The following IRGM variants were observed in gnomAD, a reference collection of about 807,000 sequenced individuals.
IRGM encodes immunity-related GTPase family M protein.
For synonymous variants in IRGM, 98 were observed against 80.6 expected, an observed-to-expected ratio of 1.22 and a Z score of -1.16; for missense variants, 288 against 219.9, an observed-to-expected ratio of 1.31 and a Z score of -1.96.
intron 3 of IRGM, among the ~76,000 whole-genome samples, chr5:150,883,811 G>A (rs1754478734): frequency 6.6e-6 from 1 of 151,924 alleles, no homozygotes; most frequent in South Asian, 2.1e-4. Context: ...TACAAAGTAT[G>A]TAAAGAAATA....
At chr5:150,887,972 T>C (rs1754551463) in intron 3 of IRGM, among the ~76,000 whole-genome samples, 1 of 151,944 alleles carries the variant, frequency 6.6e-6, no homozygotes. Flanking sequence ...GTAAATGGGC[T>C]AAGTGCCTCC....
At chr5:150,869,030 A>C (rs765022913) in intron 1 of IRGM, among the ~76,000 whole-genome samples, 14 of 152,114 alleles carry the variant, frequency 9.2e-5, no homozygotes, top group Non-Finnish European at 1.6e-4. Flanking sequence ...GTTTAATAGA[A>C]GTGGTGATAG....
At chr5:150,879,884 T>G (rs1448740317) in intron 3 of IRGM, among the ~76,000 whole-genome samples, 1 of 152,166 alleles carries the variant, frequency 6.6e-6, no homozygotes, top group Non-Finnish European at 1.5e-5. Context: ...TGAAGCAGTA[T>G]ATTGTAAGAC....
chr5:150,897,905 CAACA>C, intron 3 of IRGM: 2 of 791,216 alleles, frequency 2.5e-6, no homozygotes, highest in Non-Finnish European at 3.9e-6. Context: ...ACAGGATCAA[CAACA>C]AATAGAACTC....
chr5:150,864,122 G>A (rs1264865110), intron 1 of IRGM, among the ~76,000 whole-genome samples: 1 of 152,062 alleles, frequency 6.6e-6, no homozygotes, highest in Admixed American at 6.6e-5. Flanking sequence ...TCTATCCAGG[G>A]TCCCAAGAAA....
chr5:150,877,385 C>A (rs1308344372), intron 1 of IRGM, among the ~76,000 whole-genome samples: 1 of 152,116 alleles, frequency 6.6e-6, no homozygotes, highest in Non-Finnish European at 1.5e-5. Context: ...GTTTAGTCTT[C>A]CGGCCTACAT....
At chr5:150,897,198 A>G in intron 3 of IRGM, 1 of 408,578 alleles carries the variant, frequency 2.4e-6, no homozygotes, top group Non-Finnish European at 4.3e-6. Context: ...AAGAGATGAA[A>G]AAGTGGGGTC....
intron 3 of IRGM, among the ~76,000 whole-genome samples, chr5:150,889,100 T>C (rs1754568312): frequency 6.6e-6 from 1 of 151,804 alleles, no homozygotes; most frequent in Non-Finnish European, 1.5e-5. Context: ...TCCTAAGATC[T>C]TACTAATCTC....
intron 1 of IRGM, among the ~76,000 whole-genome samples, chr5:150,856,911 ATATTTAT>A (rs987022403): frequency 3.8e-4 from 27 of 70,686 alleles, no homozygotes; most frequent in Admixed American, 1.1e-3. Context: ...AAATAAATAA[ATATTTAT>A]TATTTATTAT....
At chr5:150,894,091 G>C (rs1754667527) in intron 3 of IRGM, among the ~76,000 whole-genome samples, 1 of 152,028 alleles carries the variant, frequency 6.6e-6, no homozygotes, top group African/African-American at 2.4e-5. Flanking sequence ...CAAGCAGGAA[G>C]GGGATCAAGT....
intron 1 of IRGM, among the ~76,000 whole-genome samples, chr5:150,859,355 C>T (rs1447773478): frequency 3.3e-5 from 5 of 152,142 alleles, no homozygotes; most frequent in East Asian, 1.9e-4. Context: ...ATTTTTGCAT[C>T]GATGTTCATC....
At chr5:150,878,506 C>T (rs1052454350) in intron 2 of IRGM, among the ~76,000 whole-genome samples, 2 of 152,010 alleles carry the variant, frequency 1.3e-5, no homozygotes, top group Non-Finnish European at 2.9e-5. Flanking sequence ...CATCTTCCCA[C>T]CTTTTTTTGC....
chr5:150,879,164 G>T (rs1045113792), intron 2 of IRGM, among the ~76,000 whole-genome samples: 1 of 152,132 alleles, frequency 6.6e-6, no homozygotes, highest in African/African-American at 2.4e-5. Flanking sequence ...ATAAGAAAAG[G>T]TAATGAGTAA....
rs140894565 is a variant in IRGM at position 150,884,890 on chromosome 5, C to A, written c.*140+5244C>A. 9.7e-3 allele frequency among the ~76,000 whole-genome samples: 1,470 copies of A among 152,134 alleles called. 29 individuals carry two copies. The highest frequency in any genetic ancestry group is 0.033 in the African/African-American group (1,374 of 41,518). Reference sequence around the variant, plus strand: ...TATCTATTTACTCTGTTGATGGTTTCTTTTGCTGTGCAGAAACTCTGTAGT... The same window carrying A: ...TATCTATTTACTCTGTTGATGGTTTATTTTGCTGTGCAGAAACTCTGTAGT... On this transcript the variant is annotated intron_variant and NMD_transcript_variant, in intron 3 of 3. Coordinates refer to the IRGM transcript ENST00000520549.
At chr5:150,857,177 T>C (rs368209937) in intron 1 of IRGM, among the ~76,000 whole-genome samples, 8 of 151,402 alleles carry the variant, frequency 5.3e-5, no homozygotes, top group South Asian at 2.1e-4. Context: ...TGAGAACATG[T>C]GGTGTTTGGT....
intron 2 of IRGM, among the ~76,000 whole-genome samples, chr5:150,878,835 G>A (rs1351929820): frequency 6.6e-6 from 1 of 151,596 alleles, no homozygotes; most frequent in East Asian, 1.9e-4. Context: ...TGTCTCTTAG[G>A]ATTCTTTCAG....
At chr5:150,865,860 G>A (rs777725779) in intron 1 of IRGM, among the ~76,000 whole-genome samples, 17 of 152,104 alleles carry the variant, frequency 1.1e-4, no homozygotes, top group East Asian at 7.7e-4. Flanking sequence ...GGGTTCCAGC[G>A]ATTCTCTTGC....
rs528963763 is a variant in IRGM at position 150,873,369 on chromosome 5, G to A, written c.159-4611G>A. The stretch of plus-strand genomic sequence containing the variant: ...CTAGAACCCCTTCAATGAAGAGGAG[G>A]CCAGGTCCCCTTGAGGAATGACCCC... On this transcript the variant is annotated intron_variant and NMD_transcript_variant, in intron 1 of 3. Coordinates refer to the IRGM transcript ENST00000520549. Among the ~76,000 whole-genome samples the A allele has an allele frequency of 2.9e-4, 44 of 152,270 alleles. 1 individual carries two copies. Among genetic ancestry groups the A allele is most frequent in the Middle Eastern group, 3.4e-3 (1 of 294 alleles).
At chr5:150,879,867 C>T (rs969490888) in intron 3 of IRGM, among the ~76,000 whole-genome samples, 3 of 152,116 alleles carry the variant, frequency 2.0e-5, no homozygotes, top group African/African-American at 7.2e-5. Context: ...AAAAAGATAG[C>T]TTGTGTTGAA....
Sources: gnomAD v4.1 joint callset for allele counts (sites outside exome capture counted in the v4.1 genomes callset) on GRCh38, gnomAD v4.1.1 for gene constraint, MANE v1.5 for transcripts, NCBI Gene and HGNC (gene_info 2026-07-23, HGNC 2026-07-21) for gene names.